GRIK2: variants seen among roughly 807,000 people sequenced by gnomAD.
GRIK2 encodes the protein glutamate ionotropic receptor kainate type subunit 2, also known as glutamate receptor ionotropic, kainate 2.
In GRIK2, 32 loss-of-function variants were observed where a neutral mutation model predicts 100.3. That is an observed-to-expected ratio of 0.32 (90% confidence interval 0.24 to 0.43). The LOEUF (loss-of-function observed/expected upper bound fraction) is 0.43, where lower values mean the gene tolerates loss of function less well. Ranked by LOEUF, GRIK2 falls within the 20% of genes least tolerant of loss-of-function variation. The pLI, the probability that GRIK2 is intolerant of heterozygous loss-of-function variation, is 1.00. For missense variants in GRIK2, 843 were observed against 1,114.9 expected (o/e 0.76, Z 3.47); for synonymous variants, 417 against 389.4 (o/e 1.07, Z -0.83).
At chr6:101,458,911 G>A (rs770777674) in intron 2 of GRIK2, among the ~76,000 whole-genome samples, 4 of 152,080 alleles carry the variant, frequency 2.6e-5, no homozygotes, top group Non-Finnish European at 5.9e-5. Context: ...AAGTAAAAGT[G>A]TTCAAACTGT....
chr6:101,562,638 C>T lies in GRIK2; in HGVS notation c.116-59311C>T, dbSNP rs111903818. Reference sequence around the variant, plus strand: ...CATTACAGGTGTGAGCCACCGTGCCCGGCCAGTTTGAGATTTTAGCAGCTG... The same window carrying T: ...CATTACAGGTGTGAGCCACCGTGCCTGGCCAGTTTGAGATTTTAGCAGCTG... On this transcript the variant is annotated intron_variant, in intron 2 of 16. Coordinates refer to ENST00000369134, the MANE Select transcript of GRIK2 (RefSeq NM_021956.5). 2.9e-3 allele frequency among the ~76,000 whole-genome samples: 436 copies of T among 152,072 alleles called. 2 individuals carry two copies. The highest frequency in any genetic ancestry group is 0.01 in the African/African-American group (423 of 41,480).
At chr6:101,591,495 T>C (rs902611850) in intron 2 of GRIK2, among the ~76,000 whole-genome samples, 4 of 152,084 alleles carry the variant, frequency 2.6e-5, no homozygotes, top group Non-Finnish European at 5.9e-5. Flanking sequence ...TTGTGGAATT[T>C]TATACTTCTT....
chr6:101,613,732 T>C (rs535544101), intron 2 of GRIK2, among the ~76,000 whole-genome samples: 35 of 150,566 alleles, frequency 2.3e-4, no homozygotes, highest in Non-Finnish European at 4.6e-4. Context: ...GAGTATAACA[T>C]TGAACTGTGG....
intron 14 of GRIK2, among the ~76,000 whole-genome samples, chr6:101,991,165 C>A (rs1224264725): frequency 6.6e-6 from 1 of 151,814 alleles, no homozygotes; most frequent in African/African-American, 2.4e-5. Context: ...GCTAGTGAGT[C>A]TCAATCACAC....
At chr6:101,401,415 C>G (rs1382173481) in intron 2 of GRIK2, among the ~76,000 whole-genome samples, 6 of 152,162 alleles carry the variant, frequency 3.9e-5, no homozygotes, top group Non-Finnish European at 7.3e-5. Context: ...TACACACACA[C>G]AAACAAGCTT....
At chr6:101,934,944 T>A (rs1023831213) in intron 14 of GRIK2, among the ~76,000 whole-genome samples, 2 of 152,016 alleles carry the variant, frequency 1.3e-5, no homozygotes, top group African/African-American at 4.8e-5. Flanking sequence ...ATGAGAAATA[T>A]TATCTAGAAC....
chr6:101,997,960 C>A (rs1273929669), intron 14 of GRIK2, among the ~76,000 whole-genome samples: 1 of 152,006 alleles, frequency 6.6e-6, no homozygotes, highest in African/African-American at 2.4e-5. Flanking sequence ...AGTTGACATA[C>A]AATAAACTTC....
intron 2 of GRIK2, among the ~76,000 whole-genome samples, chr6:101,586,035 A>G (rs1201563851): frequency 6.6e-6 from 1 of 152,086 alleles, no homozygotes; most frequent in Non-Finnish European, 1.5e-5. Flanking sequence ...TTCACATTGC[A>G]AGTTACTGTA....
At position 101,493,361 on chromosome 6, in the gene GRIK2, A is replaced by T. The variant is rs1773246363; in HGVS notation, c.115+93969A>T. Among the ~76,000 whole-genome samples, 7 of 152,180 alleles carry T rather than the reference A, an allele frequency of 4.6e-5. No homozygotes were observed. The South Asian group carries it at 1.5e-3, about 32-fold the overall frequency. On this transcript the variant is annotated intron_variant, in intron 2 of 16. Transcript: ENST00000369134. ...TGACAAAAAAATTTTAGGAGCAACC[A>T]GATAGAAAATACAGAATGCCTACAA...
chr6:101,515,194 C>A (rs1774523746), intron 2 of GRIK2, among the ~76,000 whole-genome samples: 1 of 152,040 alleles, frequency 6.6e-6, no homozygotes, highest in Non-Finnish European at 1.5e-5. Flanking sequence ...TAATAGTCTC[C>A]AATCTCATCC....
intron 7 of GRIK2, among the ~76,000 whole-genome samples, chr6:101,723,706 C>A (rs547874911): frequency 2.0e-5 from 3 of 152,058 alleles, no homozygotes; most frequent in African/African-American, 7.2e-5. Context: ...TCTAATAAAA[C>A]ATGTTTGAAG....
At chr6:101,860,497 C>CCAA (rs1469300039) in intron 11 of GRIK2, among the ~76,000 whole-genome samples, 3 of 152,104 alleles carry the variant, frequency 2.0e-5, no homozygotes, top group Non-Finnish European at 4.4e-5. Context: ...GTGGCATTAG[C>CCAA]ATGGTGTGAG....
At chr6:101,705,069 A>T (rs1371531512) in intron 7 of GRIK2, among the ~76,000 whole-genome samples, 2 of 148,544 alleles carry the variant, frequency 1.3e-5, no homozygotes, top group East Asian at 2.0e-4. Context: ...GTTAAAATGT[A>T]ATATAGATTT....
chr6:101,938,683 C>T (rs903348879), intron 14 of GRIK2, among the ~76,000 whole-genome samples: 1 of 151,938 alleles, frequency 6.6e-6, no homozygotes, highest in Non-Finnish European at 1.5e-5. Context: ...AAGAACTCTC[C>T]AGATGACTGA....
chr6:101,873,838 G>T (rs1582428636), intron 11 of GRIK2, among the ~76,000 whole-genome samples: 1 of 152,056 alleles, frequency 6.6e-6, no homozygotes, highest in Admixed American at 6.6e-5. Context: ...GCATTTCTCT[G>T]ATGGCCAGTG....
chr6:102,001,988 A>AC (rs1794965663), intron 14 of GRIK2, among the ~76,000 whole-genome samples: 1 of 151,820 alleles, frequency 6.6e-6, no homozygotes, highest in South Asian at 2.1e-4. Flanking sequence ...TTTTATTAAA[A>AC]TGCATATAAG....
chr6:101,605,673 C>T (rs1029382622), intron 2 of GRIK2, among the ~76,000 whole-genome samples: 5 of 151,866 alleles, frequency 3.3e-5, no homozygotes, highest in African/African-American at 1.2e-4. Context: ...AGTAAAACTC[C>T]GTCTCCAAAA....
At chr6:101,931,295 T>C (rs1582560407) in intron 14 of GRIK2, among the ~76,000 whole-genome samples, 1 of 152,186 alleles carries the variant, frequency 6.6e-6, no homozygotes, top group African/African-American at 2.4e-5. Context: ...TATACAATTC[T>C]TTCATTTTTC....
At chr6:101,795,589 G>A (rs1455281731) in intron 7 of GRIK2, among the ~76,000 whole-genome samples, 2 of 152,214 alleles carry the variant, frequency 1.3e-5, no homozygotes, top group Non-Finnish European at 2.9e-5. Flanking sequence ...TAAGCAGTAT[G>A]CATGGCATGA....
Sources: gnomAD v4.1 joint callset for allele counts (sites outside exome capture counted in the v4.1 genomes callset) on GRCh38, gnomAD v4.1.1 for gene constraint, MANE v1.5 for transcripts, NCBI Gene and HGNC (gene_info 2026-07-23, HGNC 2026-07-21) for gene names.